Variants in EPHA6 observed in about 807,000 individuals in gnomAD.
The protein encoded by EPHA6 is EPH receptor A6, also known as ephrin type-A receptor 6.
In EPHA6, 50 loss-of-function variants were observed where a neutral mutation model predicts 112.0. That is an observed-to-expected ratio of 0.45 (90% CI 0.36 to 0.56). The LOEUF (loss-of-function observed/expected upper bound fraction) is 0.56. EPHA6 is among the 20% of genes least tolerant of loss of function. The pLI is 0.00. For synonymous variants in EPHA6, 529 were observed against 490.7 expected, an observed-to-expected ratio of 1.08 and a Z score of -1.03; for missense variants, 1,280 against 1,417.4, an observed-to-expected ratio of 0.90 and a Z score of 1.56.
rs2036122283 is a variant in EPHA6, at chr3:97,760,137, G to A, written c.*11436G>A. 5.6e-6 allele frequency: 1 copy of A among 180,176 alleles called. No individual in the cohort carries two copies. Among genetic ancestry groups the A allele is most frequent in the South Asian group, 2.0e-4 (1 of 5,054 alleles). 11.2% of individuals were successfully genotyped at this position (180,176 alleles called of 1,614,324 possible). A position where few individuals can be genotyped will look rare whatever the true frequency, so the allele number is the denominator to read the frequency against. On this transcript the variant is annotated 3_prime_UTR_variant, in exon 18 of 18. Transcript: ENST00000389672. ...CAAACACGATTTGGGAGGGTATTGA[G>A]GTCCCATGTAAATTTTAAAATAAAA...
At chr3:96,848,906 T>A (rs1197925461) in intron 1 of EPHA6, among the ~76,000 whole-genome samples, 2 of 152,152 alleles carry the variant, frequency 1.3e-5, no homozygotes, top group Non-Finnish European at 2.9e-5. Context: ...ACATCGAGGT[T>A]CAGTCATACA....
intron 14 of EPHA6, among the ~76,000 whole-genome samples, chr3:97,709,297 G>C (rs1220113043): frequency 6.6e-6 from 1 of 152,232 alleles, no homozygotes; most frequent in African/African-American, 2.4e-5. Context: ...CTGGATGTGA[G>C]ACATGGAGTC....
intron 3 of EPHA6, among the ~76,000 whole-genome samples, chr3:97,075,588 A>G (rs933446033): frequency 6.6e-6 from 1 of 152,050 alleles, no homozygotes; most frequent in Non-Finnish European, 1.5e-5. Flanking sequence ...TGTATAGAGG[A>G]TACATGTATA....
At chr3:96,911,463 G>A (rs899736711) in intron 2 of EPHA6, among the ~76,000 whole-genome samples, 5 of 151,928 alleles carry the variant, frequency 3.3e-5, no homozygotes, top group Non-Finnish European at 7.4e-5. Flanking sequence ...AGTAAAATAT[G>A]AAAAATGCAG....
intron 16 of EPHA6, among the ~76,000 whole-genome samples, chr3:97,739,277 G>A (rs1289814087): frequency 1.3e-5 from 2 of 152,000 alleles, no homozygotes; most frequent in African/African-American, 4.8e-5. Context: ...CTTTCCTTTT[G>A]TGTAGCATCC....
chr3:97,684,640 A>C (rs1280660659), intron 14 of EPHA6, among the ~76,000 whole-genome samples: 1 of 152,168 alleles, frequency 6.6e-6, no homozygotes, highest in Non-Finnish European at 1.5e-5. Flanking sequence ...TCTGCCCTCC[A>C]TGCTGAATCA....
chr3:97,484,648 C>A (rs6439203), intron 10 of EPHA6, among the ~76,000 whole-genome samples: 1 of 152,048 alleles, frequency 6.6e-6, no homozygotes, highest in Non-Finnish European at 1.5e-5. Context: ...ATGTAACAAA[C>A]AGACTCCAGA....
intron 6 of EPHA6, among the ~76,000 whole-genome samples, chr3:97,425,081 C>T (rs1015046742): frequency 6.6e-6 from 1 of 152,210 alleles, no homozygotes; most frequent in Non-Finnish European, 1.5e-5. Context: ...CAGGGTACAG[C>T]CCCCTCCTGG....
chr3:97,695,941 A>G (rs910793040), intron 14 of EPHA6, among the ~76,000 whole-genome samples: 1 of 152,214 alleles, frequency 6.6e-6, no homozygotes, highest in African/African-American at 2.4e-5. Context: ...TTTATTCAGG[A>G]TATAAACTGA....
chr3:97,694,613 A>G (rs996116214), intron 14 of EPHA6, among the ~76,000 whole-genome samples: 5 of 152,296 alleles, frequency 3.3e-5, no homozygotes, highest in South Asian at 2.1e-4. Flanking sequence ...ATTATAATAT[A>G]TTGCATTCAC....
chr3:97,485,685 A>G (rs1244659184), intron 10 of EPHA6, among the ~76,000 whole-genome samples: 1 of 152,218 alleles, frequency 6.6e-6, no homozygotes, highest in Non-Finnish European at 1.5e-5. Flanking sequence ...CAAAGAGCAC[A>G]TCAGCAGGCA....
At chr3:97,107,540 T>C (rs2047603615) in intron 3 of EPHA6, among the ~76,000 whole-genome samples, 1 of 152,216 alleles carries the variant, frequency 6.6e-6, no homozygotes, top group Non-Finnish European at 1.5e-5. Flanking sequence ...CTAACTTCCA[T>C]GAAGATAGCT....
intron 3 of EPHA6, among the ~76,000 whole-genome samples, chr3:97,162,626 G>T (rs2076441651): frequency 6.6e-6 from 1 of 152,100 alleles, no homozygotes; most frequent in Non-Finnish European, 1.5e-5. Flanking sequence ...CTGGTAAAAA[G>T]ATAGAGATGC....
rs531794649 is a variant in EPHA6, at chr3:97,394,610, C to T, written c.1607-10540C>T. ...CCAAATAATCCAGTTGTTAAATGGG[C>T]AAAATATCTGAATAGATATTTTTGA... is the stretch of plus-strand genomic sequence containing the variant. On this transcript the variant is annotated intron_variant, in intron 5 of 17. Coordinates refer to ENST00000389672, the MANE Select transcript of EPHA6 (RefSeq NM_001080448.3). Among the ~76,000 whole-genome samples the T allele has an allele frequency of 2.6e-5, 4 of 151,722 alleles. No homozygotes were observed. In the East Asian group the frequency reaches 7.7e-4, roughly 29 times the overall value.
chr3:97,738,158 ATT>A (rs5851079), intron 16 of EPHA6, among the ~76,000 whole-genome samples: 17 of 151,018 alleles, frequency 1.1e-4, no homozygotes, highest in African/African-American at 2.4e-4. Flanking sequence ...CATAATACCA[ATT>A]TTTTTTTTTC....
At chr3:96,846,616 A>G (rs1243226804) in intron 1 of EPHA6, among the ~76,000 whole-genome samples, 3 of 152,106 alleles carry the variant, frequency 2.0e-5, no homozygotes, top group East Asian at 3.9e-4. Context: ...GATGCGCAAT[A>G]GCTTTTTTAA....
intron 12 of EPHA6, among the ~76,000 whole-genome samples, chr3:97,596,289 G>C (rs1244714657): frequency 1.3e-5 from 2 of 152,150 alleles, no homozygotes; most frequent in Non-Finnish European, 2.9e-5. Flanking sequence ...TTGTCAAACA[G>C]TATTTGAAAG....
intron 11 of EPHA6, among the ~76,000 whole-genome samples, chr3:97,534,080 G>T (rs2092728024): frequency 6.6e-6 from 1 of 152,090 alleles, no homozygotes; most frequent in South Asian, 2.1e-4. Flanking sequence ...TTAGAATTCT[G>T]CTCCTGCCAC....
chr3:97,093,607 A>C (rs1268625038), intron 3 of EPHA6, among the ~76,000 whole-genome samples: 1 of 152,090 alleles, frequency 6.6e-6, no homozygotes, highest in Admixed American at 6.6e-5. Context: ...GGTAATGAAG[A>C]TTAACTGAGA....
Sources: allele counts gnomAD v4.1 joint callset (sites outside exome capture counted in the v4.1 genomes callset), GRCh38; gene constraint gnomAD v4.1.1; transcripts MANE v1.5; gene names NCBI Gene and HGNC (gene_info 2026-07-23, HGNC 2026-07-21).